The following METTL15 variants were observed in gnomAD, a reference collection of about 807,000 sequenced individuals.
METTL15 encodes the protein 12S rRNA N(4)-cytidine methyltransferase METTL15.
A neutral mutation model predicts 38.3 loss-of-function variants in METTL15; 34 were observed. That is an observed-to-expected ratio of 0.89 (90% confidence interval 0.68 to 1.18). METTL15 has a LOEUF of 1.18. Ranked by LOEUF, METTL15 falls within the 50% of genes most tolerant of loss-of-function variation. The probability of loss-of-function intolerance (pLI) is 0.00; values close to 1 mark genes in which losing one functional copy is unlikely to be tolerated. For missense variants in METTL15, 438 were observed against 498.4 expected (o/e 0.88, Z 1.15); for synonymous variants, 162 against 170.9 (o/e 0.95, Z 0.41).
At chr11:28,419,954 T>C (rs1339328900) in intron 5 of METTL15, among the ~76,000 whole-genome samples, 1 of 152,048 alleles carries the variant, frequency 6.6e-6, no homozygotes, top group Non-Finnish European at 1.5e-5. Context: ...AGACAGGCTA[T>C]TCAAAAATAC....
At position 28,331,732 on chromosome 11, in the gene METTL15, G is replaced by C. The variant is rs1229349771; in HGVS notation, c.*891G>C. On this transcript the variant is annotated 3_prime_UTR_variant, in exon 7 of 7. Coordinates refer to ENST00000407364, the MANE Select transcript of METTL15 (RefSeq NM_001113528.2). ...ATGGGTAAAAGTTTATTCAAGAAAA[G>C]AGTACTTGGTAGAAGATTCTTTAAC... 1 of 152,208 alleles carries C rather than the reference G, an allele frequency of 6.6e-6. No homozygotes were observed. Among genetic ancestry groups the C allele is most frequent in the Non-Finnish European group, 1.5e-5 (1 of 68,022 alleles). 9.4% of individuals were successfully genotyped at this position (152,208 alleles called of 1,614,324 possible).
intron 3 of METTL15, among the ~76,000 whole-genome samples, chr11:28,128,394 A>G (rs1590769123): frequency 6.6e-6 from 1 of 152,128 alleles, no homozygotes; most frequent in Non-Finnish European, 1.5e-5. Context: ...GAAATTGAAA[A>G]TAGTTTGTAT....
intron 5 of METTL15, among the ~76,000 whole-genome samples, chr11:28,291,119 G>A (rs1441381942): frequency 6.9e-6 from 1 of 145,562 alleles, no homozygotes; most frequent in Non-Finnish European, 1.5e-5. Context: ...GCATGATCTC[G>A]CACTGCAACC....
intron 6 of METTL15, among the ~76,000 whole-genome samples, chr11:28,468,004 G>T (rs929280812): frequency 2.0e-5 from 3 of 152,116 alleles, no homozygotes; most frequent in African/African-American, 7.2e-5. Flanking sequence ...GGCAGATTAT[G>T]CATGAACCAC....
chr11:28,350,608 C>A (rs1850032758), intron 3 of METTL15, among the ~76,000 whole-genome samples: 1 of 152,158 alleles, frequency 6.6e-6, no homozygotes, highest in Non-Finnish European at 1.5e-5. Flanking sequence ...CCTTCTTTTT[C>A]TCTACTTGTT....
intron 6 of METTL15, among the ~76,000 whole-genome samples, chr11:28,496,393 A>T (rs1266828933): frequency 3.3e-5 from 5 of 152,188 alleles, no homozygotes; most frequent in South Asian, 4.1e-4. Flanking sequence ...GCACCTGGGG[A>T]TTATTACAAT....
intron 3 of METTL15, among the ~76,000 whole-genome samples, chr11:28,339,799 G>T (rs1437390060): frequency 2.6e-5 from 4 of 152,098 alleles, no homozygotes; most frequent in African/African-American, 9.7e-5. Context: ...GAGTTGAAAG[G>T]AAAGAGGCAT....
chr11:28,280,125 C>A (rs1855998289), intron 4 of METTL15, among the ~76,000 whole-genome samples: 1 of 152,092 alleles, frequency 6.6e-6, no homozygotes, highest in Non-Finnish European at 1.5e-5. Flanking sequence ...TTACCATATA[C>A]TTACACTTTC....
At chr11:28,366,445 T>G (rs539373077) in intron 5 of METTL15, among the ~76,000 whole-genome samples, 10 of 152,154 alleles carry the variant, frequency 6.6e-5, no homozygotes, top group African/African-American at 2.4e-4. Context: ...CTAGGAGCAA[T>G]GAGTAGAAAC....
At chr11:28,380,812 G>T (rs1241118070) in intron 5 of METTL15, among the ~76,000 whole-genome samples, 1 of 149,748 alleles carries the variant, frequency 6.7e-6, no homozygotes, top group African/African-American at 2.5e-5. Flanking sequence ...AGATAGCTTT[G>T]CTAGATGTAG....
At chr11:28,133,531 A>G (rs1343402340) in intron 3 of METTL15, among the ~76,000 whole-genome samples, 2 of 152,226 alleles carry the variant, frequency 1.3e-5, no homozygotes, top group African/African-American at 4.8e-5. Flanking sequence ...TAGGTTGACC[A>G]GTGTAATCCA....
intron 6 of METTL15, among the ~76,000 whole-genome samples, chr11:28,493,693 T>C (rs940034411): frequency 2.6e-5 from 4 of 152,194 alleles, no homozygotes; most frequent in Non-Finnish European, 5.9e-5. Context: ...TAAGGATTAG[T>C]TGTTCAAGGT....
rs985084827 is a variant in METTL15 at position 28,119,437 on chromosome 11, CTT to C, written c.270+5836_270+5837del. Among the ~76,000 whole-genome samples, 13 of 152,252 alleles carry C rather than the reference CTT, an allele frequency of 8.5e-5. No homozygotes were observed. In the East Asian group the frequency reaches 1.2e-3, roughly 14 times the overall value. ...CTGAGGTAGCTTCTCTGGCTCAAGA[CTT>C]TTATATAATTTCAGCGTCAGTATGG... On this transcript the variant is annotated intron_variant, in intron 3 of 6. Transcript: ENST00000407364.
At chr11:28,406,543 C>G (rs976095022) in intron 5 of METTL15, among the ~76,000 whole-genome samples, 2 of 152,000 alleles carry the variant, frequency 1.3e-5, no homozygotes, top group Non-Finnish European at 2.9e-5. Context: ...CACATGTACC[C>G]TAGAACTTAA....
intron 1 of METTL15, among the ~76,000 whole-genome samples, chr11:28,109,383 T>C (rs1851619965): frequency 6.6e-6 from 1 of 152,206 alleles, no homozygotes; most frequent in Non-Finnish European, 1.5e-5. Flanking sequence ...ACTCATTGTA[T>C]AGTACTTTAC....
At chr11:28,373,376 G>A (rs1850267635) in intron 5 of METTL15, among the ~76,000 whole-genome samples, 1 of 152,034 alleles carries the variant, frequency 6.6e-6, no homozygotes, top group African/African-American at 2.4e-5. Flanking sequence ...GGCTAGTGAT[G>A]GTGAGCATTT....
At chr11:28,163,693 ATATACTTTTTTTT>A (rs1850554931) in intron 3 of METTL15, 2 of 371,460 alleles carry the variant, frequency 5.4e-6, no homozygotes, top group Admixed American at 9.1e-5. Context: ...TGAGAACTTA[ATATACTTTTTTTT>A]AAATATCTTT....
chr11:28,369,801 A>G (rs540519088), intron 5 of METTL15, among the ~76,000 whole-genome samples: 3 of 152,178 alleles, frequency 2.0e-5, no homozygotes, highest in Non-Finnish European at 4.4e-5. Flanking sequence ...TTCAAGTTGA[A>G]AGAAAAAGAC....
At chr11:28,309,956 C>A (rs980149794) in intron 6 of METTL15, among the ~76,000 whole-genome samples, 1 of 152,138 alleles carries the variant, frequency 6.6e-6, no homozygotes, top group Non-Finnish European at 1.5e-5. Flanking sequence ...GGCCTACCCA[C>A]GTCTACTTTT....
Sources: allele counts gnomAD v4.1 joint callset (sites outside exome capture counted in the v4.1 genomes callset), GRCh38; gene constraint gnomAD v4.1.1; transcripts MANE v1.5; gene names NCBI Gene and HGNC (gene_info 2026-07-23, HGNC 2026-07-21).